Variants in ARHGAP42 observed in about 807,000 individuals in gnomAD.
The protein encoded by ARHGAP42 is rho GTPase-activating protein 42.
A neutral mutation model predicts 125.0 loss-of-function variants in ARHGAP42; 63 were observed. The ratio of observed to expected loss-of-function variants is 0.50; its 90% confidence interval spans 0.41 to 0.62. The LOEUF (loss-of-function observed/expected upper bound fraction) is 0.62, where lower values mean the gene tolerates loss of function less well. ARHGAP42 is among the 20% of genes least tolerant of loss of function. The probability of loss-of-function intolerance (pLI) is 0.00; values close to 1 mark genes in which losing one functional copy is unlikely to be tolerated. For synonymous variants in ARHGAP42, 339 were observed against 351.0 expected, an observed-to-expected ratio of 0.97 and a Z score of 0.38; for missense variants, 766 against 1,024.2, an observed-to-expected ratio of 0.75 and a Z score of 3.44.
At chr11:100,789,913 A>G (rs1181388106) in intron 2 of ARHGAP42, among the ~76,000 whole-genome samples, 1 of 152,216 alleles carries the variant, frequency 6.6e-6, no homozygotes, top group Non-Finnish European at 1.5e-5. Context: ...TTAACACAGC[A>G]TTGTCTGATT....
At chr11:100,891,383 A>G (rs1866214476) in intron 4 of ARHGAP42, among the ~76,000 whole-genome samples, 1 of 151,220 alleles carries the variant, frequency 6.6e-6, no homozygotes, top group Non-Finnish European at 1.5e-5. Context: ...TTTTTTTTTA[A>G]TATCCTTATA....
chr11:100,941,887 GAGTT>G lies in ARHGAP42; in HGVS notation c.933+8_933+11del. 1 of 1,516,890 alleles carries G rather than the reference GAGTT, an allele frequency of 6.6e-7. No homozygotes were observed. The highest frequency in any genetic ancestry group is 1.3e-5 in the South Asian group (1 of 78,404). The allele number at this position is 1,516,890 out of a possible 1,614,324, so 94.0% of individuals were successfully genotyped here. A position where few individuals can be genotyped will look rare whatever the true frequency, so the allele number is the denominator to read the frequency against. On this transcript the variant is annotated splice_donor_5th_base_variant and intron_variant, in intron 9 of 23. Transcript: ENST00000298815. ...AAATGAAATCCAGTGGGAAAATGGTGAGTTAGTTTTGTTTTCTGTTTGTTTTTTA... is the reference window on the plus strand; with the variant it reads ...AAATGAAATCCAGTGGGAAAATGGTGAGTTTTGTTTTCTGTTTGTTTTTTA...
At chr11:100,899,473 G>T (rs971234432) in intron 4 of ARHGAP42, among the ~76,000 whole-genome samples, 1 of 152,158 alleles carries the variant, frequency 6.6e-6, no homozygotes, top group Non-Finnish European at 1.5e-5. Context: ...TTGTGTGGGA[G>T]TCTAAGTCTC....
chr11:100,858,336 G>T (rs1263269946), intron 3 of ARHGAP42, among the ~76,000 whole-genome samples: 1 of 152,054 alleles, frequency 6.6e-6, no homozygotes, highest in Admixed American at 6.6e-5. Context: ...AAGATTTTTT[G>T]AGTATTAGTC....
chr11:100,705,351 A>G (rs1861467130), intron 1 of ARHGAP42, among the ~76,000 whole-genome samples: 1 of 152,140 alleles, frequency 6.6e-6, no homozygotes, highest in Non-Finnish European at 1.5e-5. Flanking sequence ...AGAATAGTAG[A>G]AAGAGAGTGA....
intron 12 of ARHGAP42, among the ~76,000 whole-genome samples, chr11:100,955,806 A>ATT (rs5794082): frequency 2.6e-5 from 4 of 152,002 alleles, no homozygotes; most frequent in Admixed American, 1.3e-4. Context: ...GGTGTTTTTG[A>ATT]TTTTTTGTTT....
At chr11:100,828,386 A>G (rs1377393240) in intron 3 of ARHGAP42, among the ~76,000 whole-genome samples, 1 of 152,122 alleles carries the variant, frequency 6.6e-6, no homozygotes, top group African/African-American at 2.4e-5. Context: ...GCTGCTATAC[A>G]TGCTGTGCTC....
intron 1 of ARHGAP42, among the ~76,000 whole-genome samples, chr11:100,712,577 G>A (rs1260643067): frequency 6.6e-6 from 1 of 152,174 alleles, no homozygotes; most frequent in East Asian, 1.9e-4. Flanking sequence ...TGAGTGGCAG[G>A]TGGTGGGAGG....
At chr11:100,918,296 C>T (rs1182656013) in intron 5 of ARHGAP42, among the ~76,000 whole-genome samples, 2 of 152,196 alleles carry the variant, frequency 1.3e-5, no homozygotes, top group Non-Finnish European at 2.9e-5. Context: ...CAAAATCAAG[C>T]TTAAATCTTT....
chr11:100,835,018 G>GTTTTAC (rs1864752980), intron 3 of ARHGAP42, among the ~76,000 whole-genome samples: 1 of 151,952 alleles, frequency 6.6e-6, no homozygotes, highest in African/African-American at 2.4e-5. Context: ...CACTTCATCT[G>GTTTTAC]AGTGAAATAA....
At chr11:100,895,399 G>A (rs755076323) in intron 4 of ARHGAP42, among the ~76,000 whole-genome samples, 39 of 151,998 alleles carry the variant, frequency 2.6e-4, no homozygotes, top group Non-Finnish European at 4.4e-4. Flanking sequence ...TTTATCCTGG[G>A]GAGTCCTACA....
intron 1 of ARHGAP42, among the ~76,000 whole-genome samples, chr11:100,722,532 A>C (rs961506872): frequency 6.6e-6 from 1 of 151,962 alleles, no homozygotes. Context: ...CTGGGATTAC[A>C]GGCATGCACC....
At chr11:100,830,223 A>T (rs1432313033) in intron 3 of ARHGAP42, among the ~76,000 whole-genome samples, 1 of 152,152 alleles carries the variant, frequency 6.6e-6, no homozygotes, top group Non-Finnish European at 1.5e-5. Context: ...GCTTGACGAG[A>T]CTTATACTGA....
intron 1 of ARHGAP42, among the ~76,000 whole-genome samples, chr11:100,692,619 G>A (rs1861210219): frequency 6.6e-6 from 1 of 152,140 alleles, no homozygotes. Context: ...TCTGGTAGCA[G>A]TTGTTCCTGG....
At chr11:100,692,704 A>G (rs1861211965) in intron 1 of ARHGAP42, among the ~76,000 whole-genome samples, 1 of 152,222 alleles carries the variant, frequency 6.6e-6, no homozygotes, top group East Asian at 1.9e-4. Flanking sequence ...CAGTTAAGGC[A>G]TTAGCCAGAG....
intron 3 of ARHGAP42, among the ~76,000 whole-genome samples, chr11:100,819,267 A>G (rs1482014407): frequency 1.3e-5 from 2 of 152,148 alleles, no homozygotes; most frequent in South Asian, 2.1e-4. Flanking sequence ...AGGCTATTGT[A>G]TTAATGCTGA....
At chr11:100,804,804 A>T in intron 3 of ARHGAP42, among the ~76,000 whole-genome samples, 1 of 152,242 alleles carries the variant, frequency 6.6e-6, no homozygotes. Flanking sequence ...GAGCCACCGT[A>T]CCTGGCCTAG....
chr11:100,744,762 G>T (rs1248507484), intron 1 of ARHGAP42, among the ~76,000 whole-genome samples: 1 of 152,182 alleles, frequency 6.6e-6, no homozygotes, highest in Non-Finnish European at 1.5e-5. Flanking sequence ...TGCTCAGTGT[G>T]TGAGCAAGTT....
chr11:100,773,270 A>G (rs940384503), intron 2 of ARHGAP42, among the ~76,000 whole-genome samples: 1 of 152,220 alleles, frequency 6.6e-6, no homozygotes, highest in Non-Finnish European at 1.5e-5. Context: ...ACTAAATGAC[A>G]TAATTTTCCT....
Sources: gnomAD v4.1 joint callset for allele counts (sites outside exome capture counted in the v4.1 genomes callset) on GRCh38, gnomAD v4.1.1 for gene constraint, MANE v1.5 for transcripts, NCBI Gene and HGNC (gene_info 2026-07-23, HGNC 2026-07-21) for gene names.